Variants in PCGF5 observed in about 807,000 individuals in gnomAD.
PCGF5 encodes the protein polycomb group ring finger 5, also known as polycomb group RING finger protein 5.
PCGF5 carries 9 observed loss-of-function variants against 44.3 expected under a neutral mutation model. The observed-to-expected ratio is 0.20, with a 90% CI of 0.12 to 0.35. The LOEUF (loss-of-function observed/expected upper bound fraction) is 0.35. PCGF5 is among the 10% of genes least tolerant of loss of function. The pLI is 1.00. For synonymous variants in PCGF5, 95 were observed against 102.5 expected (o/e 0.93, Z 0.44); for missense variants, 146 against 305.3 (o/e 0.48, Z 3.89).
intron 3 of PCGF5, among the ~76,000 whole-genome samples, chr10:91,243,884 C>T (rs908912737): frequency 1.3e-5 from 2 of 152,098 alleles, no homozygotes; most frequent in African/African-American, 4.8e-5. Context: ...ATTTGACTCA[C>T]ATTATATTTC....
intron 6 of PCGF5, among the ~76,000 whole-genome samples, chr10:91,261,023 CT>C (rs1009749295): frequency 7.6e-5 from 11 of 145,686 alleles, no homozygotes; most frequent in African/African-American, 8.3e-5. Flanking sequence ...TTTTTGTGAC[CT>C]TTTTTTCTTT....
rs1467563472 is a variant in PCGF5 at position 91,234,440 on chromosome 10, A to G, written c.113-6044A>G. 2.6e-5 allele frequency among the ~76,000 whole-genome samples: 4 copies of G among 152,364 alleles called. No homozygotes were observed. The East Asian group carries it at 5.8e-4, about 22-fold the overall frequency. ...ATTCAAAGATAGGCTCTTCCTATTC[A>G]GGTGAAGAAATGTGTCTTAAATTTC... On this transcript the variant is annotated intron_variant, in intron 2 of 9. Transcript: ENST00000336126.
chr10:91,163,944 G>T (rs1293166456), intron 1 of PCGF5, among the ~76,000 whole-genome samples: 1 of 152,206 alleles, frequency 6.6e-6, no homozygotes, highest in Non-Finnish European at 1.5e-5. Context: ...ACCTCTCCTG[G>T]GTCTACAGGT....
intron 1 of PCGF5, among the ~76,000 whole-genome samples, chr10:91,197,350 T>C (rs1844154133): frequency 6.6e-6 from 1 of 152,268 alleles, no homozygotes; most frequent in East Asian, 1.9e-4. Flanking sequence ...TGCTCCGTGA[T>C]GTATTATTTT....
At chr10:91,213,864 T>C (rs770582531) in intron 1 of PCGF5, among the ~76,000 whole-genome samples, 4 of 152,194 alleles carry the variant, frequency 2.6e-5, no homozygotes, top group Non-Finnish European at 4.4e-5. Context: ...AAATGCCTGC[T>C]ATGGGTTGAA....
rs753520635 is a variant in PCGF5, at chr10:91,271,619, G to A, written c.664-19G>A. ...CAGTTGTGGATGCCTCTTATCTGATGAGTTCATCTCCTCCGCAGTTTCGGT... is the reference window on the plus strand; with the variant it reads ...CAGTTGTGGATGCCTCTTATCTGATAAGTTCATCTCCTCCGCAGTTTCGGT... On this transcript the variant is annotated intron_variant, in intron 8 of 9. Transcript: ENST00000336126. 2 of 1,610,344 alleles carry A rather than the reference G, an allele frequency of 1.2e-6. No homozygotes were observed. Among genetic ancestry groups the A allele is most frequent in the Non-Finnish European group, 8.5e-7 (1 of 1,176,838 alleles).
chr10:91,254,353 A>G (rs1445621762), intron 6 of PCGF5, among the ~76,000 whole-genome samples: 2 of 151,748 alleles, frequency 1.3e-5, no homozygotes, highest in African/African-American at 4.8e-5. Context: ...TTCCTCTTCC[A>G]CCATCCTATG....
intron 2 of PCGF5, chr10:91,227,411 A>G: frequency 3.9e-6 from 5 of 1,289,476 alleles, no homozygotes; most frequent in Non-Finnish European, 5.1e-6. Context: ...GAATGATCAA[A>G]TGGGATGCCA....
At chr10:91,227,847 G>T in intron 2 of PCGF5, 1 of 985,456 alleles carries the variant, frequency 1.0e-6, no homozygotes, top group Non-Finnish European at 1.2e-6. Context: ...TGCCCAGCTA[G>T]CAGTTACCCA....
intron 9 of PCGF5, among the ~76,000 whole-genome samples, chr10:91,272,520 C>G (rs1333810014): frequency 6.6e-6 from 1 of 152,092 alleles, no homozygotes; most frequent in East Asian, 1.9e-4. Flanking sequence ...CCTCTGTAAT[C>G]TCAGCATTTT....
At chr10:91,270,655 C>A (rs188251203) in intron 8 of PCGF5, among the ~76,000 whole-genome samples, 1 of 152,242 alleles carries the variant, frequency 6.6e-6, no homozygotes, top group African/African-American at 2.4e-5. Context: ...ATTTAAAAGG[C>A]TACAAATATA....
intron 1 of PCGF5, among the ~76,000 whole-genome samples, chr10:91,174,566 T>C (rs576942612): frequency 6.6e-6 from 1 of 152,372 alleles, no homozygotes; most frequent in Admixed American, 6.5e-5. Flanking sequence ...AATCCTATCA[T>C]GCTTTAAGAC....
intron 2 of PCGF5, among the ~76,000 whole-genome samples, chr10:91,228,624 C>A (rs1429428836): frequency 1.3e-5 from 2 of 152,078 alleles, no homozygotes; most frequent in African/African-American, 4.8e-5. Context: ...AATAACTTAA[C>A]CCTAAGATGA....
At chr10:91,238,665 A>C (rs908095876) in intron 2 of PCGF5, among the ~76,000 whole-genome samples, 5 of 115,202 alleles carry the variant, frequency 4.3e-5, no homozygotes, top group Non-Finnish European at 8.1e-5. Flanking sequence ...CTTATCTATC[A>C]TCCCTGGGAA....
At position 91,275,654 on chromosome 10, in the gene PCGF5, C is replaced by T. The variant is rs796128674; in HGVS notation, c.724-2615C>T. On this transcript the variant is annotated intron_variant, in intron 9 of 9. Transcript: ENST00000336126. ...ATTTTTAGTAGAGGCGGGGTTTCAC[C>T]GTGTTGGCCAGGATGTTCTTGATCT... is the stretch of plus-strand genomic sequence containing the variant. 1.6e-3 allele frequency among the ~76,000 whole-genome samples: 237 copies of T among 148,908 alleles called. 1 individual carries two copies. The highest frequency in any genetic ancestry group is 5.6e-3 in the African/African-American group (226 of 40,072).
rs752940789 is a variant in PCGF5, at chr10:91,248,738, A to G, written c.325+14A>G. On this transcript the variant is annotated intron_variant, in intron 5 of 9. Transcript: ENST00000336126. ...AAAATGGACAAGGTGACTTTTTCTT[A>G]TGTCTGTTTCTGACAGCACCTCTTA... 1.3e-6 allele frequency: 2 copies of G among 1,598,422 alleles called. No individual in the cohort carries two copies. Among genetic ancestry groups the G allele is most frequent in the Non-Finnish European group, 8.5e-7 (1 of 1,169,838 alleles).
At chr10:91,191,985 T>G (rs2133214218) in intron 1 of PCGF5, among the ~76,000 whole-genome samples, 1 of 152,360 alleles carries the variant, frequency 6.6e-6, no homozygotes, top group South Asian at 2.1e-4. Context: ...TTAGACAAGT[T>G]ATTTACCCTC....
upstream of PCGF5, among the ~76,000 whole-genome samples, chr10:91,216,356 T>G (rs539842721): frequency 2.6e-5 from 4 of 152,164 alleles, no homozygotes; most frequent in South Asian, 8.3e-4. Flanking sequence ...GACAGGGTGG[T>G]CATTTGGAAG....
rs1310120772 is a variant in PCGF5 at position 91,197,786 on chromosome 10, A to G, written c.-183-24903A>G. Among the ~76,000 whole-genome samples, 4 of 152,246 alleles carry G rather than the reference A, an allele frequency of 2.6e-5. No homozygotes were observed. The East Asian group carries it at 5.8e-4, about 22-fold the overall frequency. ...TTTCATTTTGTTATATTAAATTTCA[A>G]TTATATTTTACCTGTGCCCTTTTCC... On this transcript the variant is annotated intron_variant, in intron 1 of 9. Transcript: ENST00000614189.
Sources: allele counts gnomAD v4.1 joint callset (sites outside exome capture counted in the v4.1 genomes callset), GRCh38; gene constraint gnomAD v4.1.1; transcripts MANE v1.5; gene names NCBI Gene and HGNC (gene_info 2026-07-23, HGNC 2026-07-21).